The following DOCK7 variants were observed in gnomAD, a reference collection of about 807,000 sequenced individuals.
DOCK7 encodes the protein dedicator of cytokinesis protein 7.
Under a neutral mutation model 271.0 loss-of-function variants are expected in DOCK7, and 138 were observed. The observed-to-expected ratio is 0.51, with a 90% CI of 0.44 to 0.59. The LOEUF is 0.59. DOCK7 is among the 20% of genes least tolerant of loss of function. The pLI is 0.00. For missense variants in DOCK7, 2,066 were observed against 2,592.4 expected (o/e 0.80, Z 4.41); for synonymous variants, 823 against 876.1 (o/e 0.94, Z 1.07).
chr1:62,493,396 G>T (rs1646521274), intron 40 of DOCK7, among the ~76,000 whole-genome samples: 1 of 152,104 alleles, frequency 6.6e-6, no homozygotes, highest in African/African-American at 2.4e-5. Flanking sequence ...TTTTGAAGTA[G>T]ATCTAAGGCC....
Position 62,474,075 on chromosome 1 carries a change from A to G in DOCK7, c.6119T>C (p.Val2040Ala), listed in dbSNP as rs548600550. The G allele has an allele frequency of 6.2e-7, 1 of 1,613,822 alleles. No individual in the cohort carries two copies. Residue 2040 changes from valine (V) to alanine (A), a missense_variant, in exon 48 of 50, where the codon GTT becomes GCT. By Grantham distance (64) the Val-to-Ala change is moderately conservative. Transcript: ENST00000635253. ...TATTTCAGACAGAAAAACCTGGGCA[A>G]CTTCCAAAGGCCCCTGCAAAATAAG... The part of the protein sequence containing the change: ...GTTVNQGPLE[V>A]AQVFLSEIPS...
At chr1:62,591,187 C>G (rs937649776) in intron 14 of DOCK7, among the ~76,000 whole-genome samples, 2 of 152,106 alleles carry the variant, frequency 1.3e-5, no homozygotes, top group Admixed American at 1.3e-4. Flanking sequence ...ACAAGATCAT[C>G]ATGTCTTGCA....
At chr1:62,587,418 T>C (rs1647728342) in intron 14 of DOCK7, among the ~76,000 whole-genome samples, 1 of 151,066 alleles carries the variant, frequency 6.6e-6, no homozygotes, top group Non-Finnish European at 1.5e-5. Context: ...GCTGGGGCAA[T>C]GAAAACAGGT....
At chr1:62,598,900 G>C (rs958278808) in intron 14 of DOCK7, 12 of 789,726 alleles carry the variant, frequency 1.5e-5, no homozygotes, top group African/African-American at 6.9e-5. Context: ...ACTGGATCAT[G>C]AGTAAAATTA....
At chr1:62,680,175 G>A (rs1465598459) in intron 1 of DOCK7, among the ~76,000 whole-genome samples, 1 of 152,090 alleles carries the variant, frequency 6.6e-6, no homozygotes, top group East Asian at 1.9e-4. Flanking sequence ...GCATGGTACT[G>A]GTACCAAAAC....
At chr1:62,462,517 T>C (rs1374761316) in intron 48 of DOCK7, among the ~76,000 whole-genome samples, 1 of 152,160 alleles carries the variant, frequency 6.6e-6, no homozygotes, top group Admixed American at 6.6e-5. Context: ...ATAATAGTGA[T>C]GACACTGCAA....
intron 14 of DOCK7, among the ~76,000 whole-genome samples, chr1:62,609,850 T>C (rs929018859): frequency 1.3e-5 from 2 of 152,124 alleles, no homozygotes; most frequent in African/African-American, 2.4e-5. Flanking sequence ...CTTTTTTTTT[T>C]CGAGATGGAG....
chr1:62,682,633 A>G (rs530474883), intron 1 of DOCK7, among the ~76,000 whole-genome samples: 1 of 152,364 alleles, frequency 6.6e-6, no homozygotes, highest in Admixed American at 6.5e-5. Flanking sequence ...TAATTCAAGT[A>G]CACATAAGGT....
intron 4 of DOCK7, among the ~76,000 whole-genome samples, chr1:62,652,329 A>G (rs1353050973): frequency 6.6e-6 from 1 of 152,050 alleles, no homozygotes; most frequent in Non-Finnish European, 1.5e-5. Context: ...CATAACTTCT[A>G]GTTCACCAAA....
chr1:62,619,379 G>C (rs1444404813), intron 13 of DOCK7, among the ~76,000 whole-genome samples: 3 of 152,050 alleles, frequency 2.0e-5, no homozygotes, highest in Admixed American at 2.0e-4. Context: ...TCCCCCGCTG[G>C]GGATATATTT....
At chr1:62,483,822 C>A (rs1242380962) in intron 43 of DOCK7, 1 of 152,250 alleles carries the variant, frequency 6.6e-6, no homozygotes, top group Non-Finnish European at 1.5e-5. Context: ...CTAAAGCGAT[C>A]CTCCCACCTT....
At chr1:62,659,723 C>T (rs182183372) in intron 2 of DOCK7, among the ~76,000 whole-genome samples, 22 of 151,968 alleles carry the variant, frequency 1.4e-4, no homozygotes, top group Non-Finnish European at 2.2e-4. Flanking sequence ...ATATACCAGG[C>T]GACAATTATT....
chr1:62,493,705 A>G (rs1277823554), intron 40 of DOCK7, among the ~76,000 whole-genome samples: 2 of 152,212 alleles, frequency 1.3e-5, no homozygotes, highest in Non-Finnish European at 2.9e-5. Context: ...TGATTTCATC[A>G]GAAGATATAA....
intron 25 of DOCK7, among the ~76,000 whole-genome samples, chr1:62,540,577 T>C (rs1645496580): frequency 6.6e-6 from 1 of 152,212 alleles, no homozygotes; most frequent in South Asian, 2.1e-4. Context: ...TTCACTATAG[T>C]GTCCTCAGTA....
At chr1:62,658,346 C>T (rs1182083626) in intron 2 of DOCK7, among the ~76,000 whole-genome samples, 5 of 151,736 alleles carry the variant, frequency 3.3e-5, no homozygotes, top group East Asian at 2.0e-4. Context: ...CCCAGCTACT[C>T]GGGAGGCTGC....
intron 22 of DOCK7, among the ~76,000 whole-genome samples, chr1:62,549,894 A>C (rs1335925999): frequency 6.6e-6 from 1 of 152,112 alleles, no homozygotes; most frequent in Non-Finnish European, 1.5e-5. Flanking sequence ...TTTAGTTTTT[A>C]CCTTCTACAA....
At chr1:62,462,500 TTAATTTA>T (rs1645559250) in intron 48 of DOCK7, among the ~76,000 whole-genome samples, 1 of 152,166 alleles carries the variant, frequency 6.6e-6, no homozygotes, top group Non-Finnish European at 1.5e-5. Flanking sequence ...ACACGGGTGC[TTAATTTA>T]TAATAGTGAT....
chr1:62,619,005 A>C (rs1243639933), intron 13 of DOCK7, 137 bp from the exon 14 acceptor site: 2 of 682,550 alleles, frequency 2.9e-6, no homozygotes, highest in Non-Finnish European at 4.9e-6. Flanking sequence ...TATTATTATC[A>C]TCTCATGCCT....
intron 15 of DOCK7, among the ~76,000 whole-genome samples, chr1:62,583,534 A>G (rs1197700805): frequency 2.0e-5 from 3 of 152,194 alleles, no homozygotes; most frequent in South Asian, 2.1e-4. Flanking sequence ...CCTTTTTCTT[A>G]AAGAAGGTGA....
Sources: gnomAD v4.1 joint callset for allele counts (sites outside exome capture counted in the v4.1 genomes callset) on GRCh38, gnomAD v4.1.1 for gene constraint, MANE v1.5 for transcripts, NCBI Gene and HGNC (gene_info 2026-07-23, HGNC 2026-07-21) for gene names.